The following TRIM13 variants were observed in gnomAD, a reference collection of about 807,000 sequenced individuals.
TRIM13 encodes tripartite motif containing 13.
In TRIM13, 15 loss-of-function variants were observed where a neutral mutation model predicts 27.1. That is an observed-to-expected ratio of 0.55 (90% CI 0.37 to 0.85). TRIM13 has a LOEUF of 0.85. TRIM13 is among the 40% of genes least tolerant of loss of function. TRIM13 has a pLI of 0.00. For synonymous variants in TRIM13, 193 were observed against 171.5 expected, an observed-to-expected ratio of 1.13 and a Z score of -0.98; for missense variants, 402 against 472.2, an observed-to-expected ratio of 0.85 and a Z score of 1.38.
chr13:50,011,219 T>C (rs1418098403), intron 1 of TRIM13, among the ~76,000 whole-genome samples: 1 of 152,096 alleles, frequency 6.6e-6, no homozygotes, highest in Non-Finnish European at 1.5e-5. Flanking sequence ...ATTACGAAAA[T>C]AGTTTTGATC....
In TRIM13 at chr13:50,016,206, T is replaced by C. The variant is rs576438888; in HGVS notation, c.*3042T>C. On this transcript the variant is annotated 3_prime_UTR_variant, in exon 2 of 2. Transcript: ENST00000378182. ...AATGTTTTGGGGTAACCAGTGGAGTTGGGTAGAATGACCAAATAATTATTT... is the reference window on the plus strand; with the variant it reads ...AATGTTTTGGGGTAACCAGTGGAGTCGGGTAGAATGACCAAATAATTATTT... 2.0e-5 allele frequency: 13 copies of C among 652,538 alleles called. 1 individual carries two copies. The East Asian group carries it at 3.6e-4, about 18-fold the overall frequency. 40.4% of individuals were successfully genotyped at this position (652,538 alleles called of 1,614,324 possible).
chr13:49,997,074 C>G lies in TRIM13; in HGVS notation c.-696C>G, dbSNP rs184190799. On this transcript the variant is annotated 5_prime_UTR_variant, in exon 1 of 2. Coordinates refer to ENST00000378182, the MANE Select transcript of TRIM13 (RefSeq NM_213590.3). ...TTTTGGGGCTGTGCTTGGCGCGTACCGTGCGGTCCCTGTAGTTGGAGGACG... is the reference window on the plus strand; with the variant it reads ...TTTTGGGGCTGTGCTTGGCGCGTACGGTGCGGTCCCTGTAGTTGGAGGACG... The G allele has an allele frequency of 6.8e-6, 1 of 148,028 alleles. No individual in the cohort carries two copies. Among genetic ancestry groups the G allele is most frequent in the Non-Finnish European group, 1.5e-5 (1 of 67,248 alleles). 9.2% of individuals were successfully genotyped at this position (148,028 alleles called of 1,614,324 possible).
chr13:50,013,100 A>G lies in TRIM13; in HGVS notation c.1160A>G (p.Lys387Arg), dbSNP rs750016769. ...DGFFIFNERF[K>R]NFTLVVLNNV... ...TTTTTCATTTTCAATGAAAGATTCA[A>G]GAATTTTACTTTGGTGGTACTGAAC... The change falls in exon 2 of 2, where the codon AAG (lysine) becomes AGG (arginine). Residue 387 changes from lysine (K) to arginine (R), a missense_variant. Physicochemically the swap from Lys to Arg is conservative, Grantham distance 26. Around this residue, in one of 2 missense-constraint regions of TRIM13, gnomAD observed 200 missense variants for 194.7 expected, o/e 1.03. Transcript: ENST00000378182. The G allele has an allele frequency of 6.2e-6, 10 of 1,612,630 alleles. No individual in the cohort carries two copies. Among genetic ancestry groups the G allele is most frequent in the African/African-American group, 1.3e-5 (1 of 74,818 alleles).
At chr13:50,005,551 G>T (rs1874579998) in intron 1 of TRIM13, among the ~76,000 whole-genome samples, 1 of 151,370 alleles carries the variant, frequency 6.6e-6, no homozygotes, top group South Asian at 2.1e-4. Flanking sequence ...GTAGGCGCGT[G>T]TAATCCCAGC....
chr13:49,999,426 C>T (rs1278553029), intron 1 of TRIM13, among the ~76,000 whole-genome samples: 3 of 152,170 alleles, frequency 2.0e-5, no homozygotes, highest in Non-Finnish European at 4.4e-5. Context: ...TTTTCCGCTC[C>T]TAAACCCACT....
chr13:50,007,056 C>T (rs1184482644), intron 1 of TRIM13, among the ~76,000 whole-genome samples: 5 of 151,778 alleles, frequency 3.3e-5, no homozygotes, highest in African/African-American at 4.8e-5. Flanking sequence ...GTGGTGGGCG[C>T]CTGTAGTTCC....
chr13:50,001,246 A>C (rs1873999529), intron 1 of TRIM13: 2 of 150,728 alleles, frequency 1.3e-5, no homozygotes, highest in South Asian at 4.2e-4. Flanking sequence ...AGCCAAGATC[A>C]CACCATTGCA....
rs372834596 is a variant in TRIM13, at chr13:50,012,730, G to C, written c.790G>C (p.Glu264Gln). Residue 264 changes from glutamate to glutamine, a missense_variant, in exon 2 of 2, where the codon GAA becomes CAA. Transcript: ENST00000378182. ...EFREKIKVIK[E>Q]TPLPPSNLPA... Reference sequence around the variant, plus strand: ...TAGAGAGAAAATCAAAGTAATCAAGGAAACTCCTTTACCTCCCTCTAATTT... The same window carrying C: ...TAGAGAGAAAATCAAAGTAATCAAGCAAACTCCTTTACCTCCCTCTAATTT... The C allele has an allele frequency of 1.2e-5, 20 of 1,613,946 alleles. No individual in the cohort carries two copies. The highest frequency in any genetic ancestry group is 1.5e-5 in the Non-Finnish European group (18 of 1,180,010).
rs1482137520 is a variant in TRIM13 at position 50,015,806 on chromosome 13, C to T, written c.*2642C>T. The stretch of plus-strand genomic sequence containing the variant: ...TCTCTTAAACCCATACCTGCTACAG[C>T]CAAGACCTGCTCTTGTGGAGGTACA... On this transcript the variant is annotated 3_prime_UTR_variant, in exon 2 of 2. Coordinates refer to ENST00000378182, the MANE Select transcript of TRIM13 (RefSeq NM_213590.3). 3 of 1,614,024 alleles carry T rather than the reference C, an allele frequency of 1.9e-6. No homozygotes were observed. Among genetic ancestry groups the T allele is most frequent in the Non-Finnish European group, 2.5e-6 (3 of 1,179,994 alleles).
chr13:49,998,475 C>T (rs1303706508), intron 1 of TRIM13, among the ~76,000 whole-genome samples: 1 of 152,196 alleles, frequency 6.6e-6, no homozygotes, highest in Non-Finnish European at 1.5e-5. Context: ...CCTTTTCTTG[C>T]TTGATACACT....
intron 1 of TRIM13, among the ~76,000 whole-genome samples, chr13:50,007,095 A>T (rs1334998626): frequency 6.6e-6 from 1 of 151,494 alleles, no homozygotes. Context: ...AGGCAGAGGA[A>T]CCGCTTGAAC....
rs781775044 is a variant in TRIM13, at chr13:50,015,972, A to G, written c.*2808A>G. On this transcript the variant is annotated 3_prime_UTR_variant, in exon 2 of 2. Coordinates refer to ENST00000378182, the MANE Select transcript of TRIM13 (RefSeq NM_213590.3). Reference sequence around the variant, plus strand: ...TGGAATGGTAACTTTTTCCCTCCTCAGATGACCTTACTTCCACTGCCTCCA... The same window carrying G: ...TGGAATGGTAACTTTTTCCCTCCTCGGATGACCTTACTTCCACTGCCTCCA... 6.2e-7 allele frequency: 1 copy of G among 1,614,126 alleles called. No individual in the cohort carries two copies. Among genetic ancestry groups the G allele is most frequent in the East Asian group, 2.2e-5 (1 of 44,884 alleles).
chr13:50,005,352 T>G (rs1874551297), intron 1 of TRIM13, among the ~76,000 whole-genome samples: 2 of 151,932 alleles, frequency 1.3e-5, no homozygotes. Flanking sequence ...GTCACATAGT[T>G]TTGTCTTAGA....
intron 1 of TRIM13, among the ~76,000 whole-genome samples, chr13:50,000,516 TAAGA>T (rs1451785643): frequency 8.5e-5 from 13 of 152,068 alleles, no homozygotes; most frequent in Admixed American, 2.6e-4. Flanking sequence ...AAATGAGCAA[TAAGA>T]AAGCATATCC....
chr13:49,998,251 C>A (rs1255390416), intron 1 of TRIM13, among the ~76,000 whole-genome samples: 2 of 151,938 alleles, frequency 1.3e-5, no homozygotes, highest in African/African-American at 4.8e-5. Flanking sequence ...CGTTTTTTTT[C>A]CTTTCTCCCA....
At position 50,014,360 on chromosome 13, in the gene TRIM13, T is replaced by TATATATATATATATATGTACAC. The variant is rs879170111; in HGVS notation, c.*1197_*1198insTATATATATATATATGTACACA. 3.4e-5 allele frequency: 2 copies of TATATATATATATATATGTACAC among 58,552 alleles called. No individual in the cohort carries two copies. Among genetic ancestry groups the TATATATATATATATATGTACAC allele is most frequent in the African/African-American group, 1.4e-4 (2 of 13,982 alleles). The allele number at this position is 58,552 out of a possible 1,614,324, so 3.6% of individuals were successfully genotyped here. ...AAAAAAAAAAATATATATATATATA[T>TATATATATATATATATGTACAC]ACACACACACACACACATATGTACA... On this transcript the variant is annotated 3_prime_UTR_variant, in exon 2 of 2. Coordinates refer to ENST00000378182, the MANE Select transcript of TRIM13 (RefSeq NM_213590.3).
In TRIM13 at chr13:50,013,310, T is replaced by C; in HGVS notation, c.*146T>C. 1.2e-6 allele frequency: 1 copy of C among 852,368 alleles called. No individual in the cohort carries two copies. Among genetic ancestry groups the C allele is most frequent in the Non-Finnish European group, 1.7e-6 (1 of 585,008 alleles). 52.8% of individuals were successfully genotyped at this position (852,368 alleles called of 1,614,324 possible). A position where few individuals can be genotyped will look rare whatever the true frequency, so the allele number is the denominator to read the frequency against. ...ATAATCTATACATGTTCAAATTAGGTAGCATAAAGATAAAAGTGAAATTTA... is the reference window on the plus strand; with the variant it reads ...ATAATCTATACATGTTCAAATTAGGCAGCATAAAGATAAAAGTGAAATTTA... On this transcript the variant is annotated 3_prime_UTR_variant, in exon 2 of 2. Coordinates refer to ENST00000378182, the MANE Select transcript of TRIM13 (RefSeq NM_213590.3).
Position 50,013,083 on chromosome 13 carries a change from T to C in TRIM13, c.1143T>C (p.Ile381=), listed in dbSNP as rs1286620945. Residue 381 remains isoleucine, a synonymous_variant, in exon 2 of 2, where the codon ATT becomes ATC. Transcript: ENST00000378182. ...YWEQVTDGFF[I]FNERFKNFTL... ...AACAGGTGACAGATGGGTTTTTCATTTTCAATGAAAGATTCAAGAATTTTA... is the reference window on the plus strand; with the variant it reads ...AACAGGTGACAGATGGGTTTTTCATCTTCAATGAAAGATTCAAGAATTTTA... The C allele has an allele frequency of 8.7e-6, 14 of 1,613,116 alleles. No homozygotes were observed. The highest frequency in any genetic ancestry group is 1.2e-5 in the Non-Finnish European group (14 of 1,179,748).
chr13:50,005,506 T>C (rs1170705226), intron 1 of TRIM13, among the ~76,000 whole-genome samples: 2 of 151,732 alleles, frequency 1.3e-5, no homozygotes, highest in Admixed American at 6.6e-5. Context: ...AAACCCTGTC[T>C]CTACTAAAAA....
Sources: gnomAD v4.1 joint callset for allele counts (sites outside exome capture counted in the v4.1 genomes callset) on GRCh38, gnomAD v4.1.1 for gene constraint, gnomAD v4.1.1 regional missense constraint, MANE v1.5 for transcripts, NCBI Gene and HGNC (gene_info 2026-07-23, HGNC 2026-07-21) for gene names.